TP63: variants seen among roughly 807,000 people sequenced by gnomAD.
The protein encoded by TP63 is tumor protein p63.
Under a neutral mutation model 82.8 loss-of-function variants are expected in TP63, and 17 were observed. The ratio of observed to expected loss-of-function variants is 0.21; its 90% CI spans 0.14 to 0.31. The LOEUF (loss-of-function observed/expected upper bound fraction) is 0.31. TP63 is among the 10% of genes least tolerant of loss of function. The pLI is 1.00. For missense variants in TP63, 648 were observed against 895.3 expected (o/e 0.72, Z 3.52); for synonymous variants, 330 against 321.7 (o/e 1.03, Z -0.28).
At chr3:189,597,420 C>G in the TP63 span, among the ~76,000 whole-genome samples, 1 of 50,838 alleles carries the variant, frequency 2.0e-5, no homozygotes, top group Non-Finnish European at 5.3e-5. Flanking sequence ...TGCTCAAACT[C>G]TCTCTACCAG....
intron 1 of TP63, among the ~76,000 whole-genome samples, chr3:189,734,679 A>G (rs1469151348): frequency 2.0e-5 from 3 of 152,152 alleles, no homozygotes; most frequent in Non-Finnish European, 4.4e-5. Context: ...TGCTTCATCA[A>G]GAAAATCGAA....
chr3:189,789,605 C>T (rs1724913940), intron 3 of TP63: 1 of 1,289,402 alleles, frequency 7.8e-7, no homozygotes. Context: ...AGAGAAGAGT[C>T]CCGCCTCCTC....
At chr3:189,680,376 C>T (rs1489565428) in intron 1 of TP63, among the ~76,000 whole-genome samples, 1 of 151,906 alleles carries the variant, frequency 6.6e-6, no homozygotes, top group African/African-American at 2.4e-5. Flanking sequence ...ATAATTAATG[C>T]CCATCCTTTT....
At chr3:189,876,465 C>T (rs1452299679) in intron 10 of TP63, among the ~76,000 whole-genome samples, 1 of 152,158 alleles carries the variant, frequency 6.6e-6, no homozygotes, top group Non-Finnish European at 1.5e-5. Flanking sequence ...GACATATTTA[C>T]ACTTTTTTGC....
upstream of TP63, among the ~76,000 whole-genome samples, chr3:189,628,613 T>C (rs1250468372): frequency 6.6e-6 from 1 of 152,162 alleles, no homozygotes; most frequent in Admixed American, 6.5e-5. Context: ...GAAAGGCAAT[T>C]GCTTTTCCTA....
chr3:189,831,273 A>T (rs1712290845), intron 4 of TP63, among the ~76,000 whole-genome samples: 3 of 152,100 alleles, frequency 2.0e-5, no homozygotes, highest in Admixed American at 2.0e-4. Flanking sequence ...AAATATTTCT[A>T]CTTGAGTTGG....
chr3:189,649,035 A>G (rs760423621), intron 1 of TP63, among the ~76,000 whole-genome samples: 3 of 147,114 alleles, frequency 2.0e-5, no homozygotes, highest in Non-Finnish European at 3.0e-5. Flanking sequence ...ACTAAGCACC[A>G]TCTATGGGCT....
intron 3 of TP63, among the ~76,000 whole-genome samples, chr3:189,771,210 G>A (rs572864461): frequency 2.0e-4 from 30 of 147,186 alleles, no homozygotes; most frequent in African/African-American, 4.3e-4. Context: ...CAAAGATAAC[G>A]TTTTCTTTAT....
At chr3:189,742,775 A>G (rs1721094839) in intron 3 of TP63, among the ~76,000 whole-genome samples, 1 of 152,228 alleles carries the variant, frequency 6.6e-6, no homozygotes, top group South Asian at 2.1e-4. Flanking sequence ...GAAAAGGCAA[A>G]TGTGTGTAAA....
chr3:189,828,468 T>C (rs1438170876), intron 4 of TP63, among the ~76,000 whole-genome samples: 1 of 152,246 alleles, frequency 6.6e-6, no homozygotes, highest in Non-Finnish European at 1.5e-5. Flanking sequence ...AGTTGAATGA[T>C]ATATTCCTCA....
At chr3:189,620,277 C>A in the TP63 span, among the ~76,000 whole-genome samples, 1 of 151,746 alleles carries the variant, frequency 6.6e-6, no homozygotes, top group Non-Finnish European at 1.5e-5. Flanking sequence ...GTAATCCCAG[C>A]ACTTTGGGAG....
At position 189,734,400 on chromosome 3, in the gene TP63, G is replaced by A. The variant is rs138448337; in HGVS notation, c.63-3340G>A. ...CTGGACCCTCTTCCTGCCCTCTCCA[G>A]TCTGAATCCAAAGCTAGTCTTTACA... On this transcript the variant is annotated intron_variant, in intron 1 of 13. Transcript: ENST00000264731. Among the ~76,000 whole-genome samples the A allele has an allele frequency of 5.5e-3, 841 of 152,066 alleles. 10 individuals are homozygous for A. Among genetic ancestry groups the A allele is most frequent in the African/African-American group, 0.02 (809 of 41,462 alleles).
chr3:189,663,194 A>G (rs990205888), intron 1 of TP63, among the ~76,000 whole-genome samples: 5 of 152,150 alleles, frequency 3.3e-5, no homozygotes, highest in Non-Finnish European at 7.4e-5. Flanking sequence ...GACAAATATC[A>G]GTAAGTATCA....
At chr3:189,698,545 C>T (rs1717564315) in intron 1 of TP63, among the ~76,000 whole-genome samples, 1 of 152,100 alleles carries the variant, frequency 6.6e-6, no homozygotes, top group South Asian at 2.1e-4. Flanking sequence ...TCCAGCTTTA[C>T]ATTTTAATTA....
In TP63 at chr3:189,652,104, C is replaced by T. The variant is rs189286116; in HGVS notation, c.62+20527C>T. 1.4e-5 allele frequency among the ~76,000 whole-genome samples: 2 copies of T among 146,554 alleles called. 1 individual carries two copies. The highest frequency in any genetic ancestry group is 4.8e-4 in the East Asian group (2 of 4,158). On this transcript the variant is annotated intron_variant, in intron 1 of 13. Transcript: ENST00000264731. ...GCTCCCACACAACATCTTCACTGGG[C>T]CACTGCCTAGTGGAGCTGTGAGAGG...
At chr3:189,680,615 C>T (rs1715824540) in intron 1 of TP63, among the ~76,000 whole-genome samples, 1 of 152,164 alleles carries the variant, frequency 6.6e-6, no homozygotes, top group Non-Finnish European at 1.5e-5. Context: ...ACAAGAATCA[C>T]AAGGATTGTT....
At chr3:189,725,132 A>G (rs1577308029) in intron 1 of TP63, among the ~76,000 whole-genome samples, 1 of 152,358 alleles carries the variant, frequency 6.6e-6, no homozygotes, top group East Asian at 1.9e-4. Flanking sequence ...TGTGATTTAT[A>G]TAAACCACAT....
chr3:189,733,381 T>A (rs1416828981), intron 1 of TP63, among the ~76,000 whole-genome samples: 1 of 152,220 alleles, frequency 6.6e-6, no homozygotes, highest in African/African-American at 2.4e-5. Flanking sequence ...CTTTAGAAAC[T>A]AAATCTACAT....
chr3:189,875,621 T>TACACAC (rs1207174894), intron 10 of TP63, among the ~76,000 whole-genome samples: 13 of 101,396 alleles, frequency 1.3e-4, no homozygotes, highest in Non-Finnish European at 1.9e-4. Context: ...TATATATATA[T>TACACAC]ATATATATAT....
Sources: gnomAD v4.1 joint callset for allele counts (sites outside exome capture counted in the v4.1 genomes callset) on GRCh38, gnomAD v4.1.1 for gene constraint, MANE v1.5 for transcripts, NCBI Gene and HGNC (gene_info 2026-07-23, HGNC 2026-07-21) for gene names.